MSRA: variants seen among roughly 807,000 people sequenced by gnomAD.
MSRA encodes the protein mitochondrial peptide methionine sulfoxide reductase.
MSRA carries 54 observed loss-of-function variants against 31.3 expected under a neutral mutation model. The ratio of observed to expected loss-of-function variants is 1.73; its 90% CI spans 1.39 to 2.17. The LOEUF is 2.17. Among genes scored for constraint, MSRA ranks in the 30% most tolerant of loss-of-function variants. MSRA has a pLI of 0.00. For synonymous variants in MSRA, 169 were observed against 116.5 expected (o/e 1.45, Z -2.90); for missense variants, 507 against 300.9 (o/e 1.69, Z -5.07).
At chr8:10,152,966 G>C (rs1226525005) in intron 1 of MSRA, among the ~76,000 whole-genome samples, 4 of 152,200 alleles carry the variant, frequency 2.6e-5, no homozygotes, top group Non-Finnish European at 5.9e-5. Flanking sequence ...GAAATTCATA[G>C]AGACAGAAGG....
At chr8:10,339,367 C>G (rs886642844) in intron 5 of MSRA, among the ~76,000 whole-genome samples, 1 of 152,032 alleles carries the variant, frequency 6.6e-6, no homozygotes, top group Non-Finnish European at 1.5e-5. Context: ...CATGAGTTTC[C>G]AAAACTTATG....
chr8:10,120,454 G>A (rs1373561687), intron 1 of MSRA, among the ~76,000 whole-genome samples: 2 of 152,188 alleles, frequency 1.3e-5, no homozygotes, highest in Non-Finnish European at 2.9e-5. Context: ...GTGACACCAC[G>A]ATTTAAGGAC....
chr8:10,093,957 T>C (rs1798990362), intron 1 of MSRA, among the ~76,000 whole-genome samples: 1 of 152,224 alleles, frequency 6.6e-6, no homozygotes, highest in Admixed American at 6.5e-5. Flanking sequence ...CTCCATGGTT[T>C]TCAATGAGAA....
At chr8:10,354,337 A>C (rs1804377899) in intron 5 of MSRA, among the ~76,000 whole-genome samples, 1 of 152,230 alleles carries the variant, frequency 6.6e-6, no homozygotes, top group South Asian at 2.1e-4. Context: ...ATTCAAGGGT[A>C]GCACACACCC....
chr8:10,236,936 ATTG>A (rs1206640370), intron 2 of MSRA, among the ~76,000 whole-genome samples: 2 of 152,336 alleles, frequency 1.3e-5, no homozygotes, highest in East Asian at 3.9e-4. Flanking sequence ...GAGCTATGTT[ATTG>A]TTTTCATAGT....
intron 1 of MSRA, among the ~76,000 whole-genome samples, chr8:10,089,129 G>A (rs1263769663): frequency 5.2e-5 from 5 of 96,032 alleles, no homozygotes; most frequent in Non-Finnish European, 9.6e-5. Flanking sequence ...AATTTTAGCT[G>A]CTTTTGTCCC....
intron 1 of MSRA, among the ~76,000 whole-genome samples, chr8:10,168,371 A>G (rs553309239): frequency 1.6e-4 from 25 of 152,216 alleles, no homozygotes; most frequent in East Asian, 1.9e-4. Context: ...CTGGTGTGCT[A>G]TCATCCCTGG....
At chr8:10,091,573 A>G (rs765338567) in intron 1 of MSRA, among the ~76,000 whole-genome samples, 28 of 150,136 alleles carry the variant, frequency 1.9e-4, no homozygotes, top group Non-Finnish European at 2.7e-4. Context: ...CTTTGGATAT[A>G]TGCTCAGAAG....
At chr8:10,407,381 C>A (rs1301588952) in intron 5 of MSRA, among the ~76,000 whole-genome samples, 2 of 152,112 alleles carry the variant, frequency 1.3e-5, no homozygotes, top group African/African-American at 4.8e-5. Context: ...GCAGTCCAGA[C>A]AAAGGTGGGT....
At chr8:10,095,605 A>G (rs1439618812) in intron 1 of MSRA, 1 of 987,034 alleles carries the variant, frequency 1.0e-6, no homozygotes, top group African/African-American at 1.7e-5. Context: ...CTGAGGAAAG[A>G]AAAAAAGGCA....
At chr8:10,150,535 C>G (rs944268160) in intron 1 of MSRA, among the ~76,000 whole-genome samples, 8 of 152,116 alleles carry the variant, frequency 5.3e-5, no homozygotes, top group Admixed American at 4.6e-4. Flanking sequence ...GCTTACTACA[C>G]GATAATTATG....
intron 5 of MSRA, among the ~76,000 whole-genome samples, chr8:10,408,078 G>A (rs1316505161): frequency 1.3e-5 from 2 of 152,168 alleles, no homozygotes; most frequent in African/African-American, 4.8e-5. Flanking sequence ...GAGACCAGGA[G>A]CACTAGCAGG....
chr8:10,427,532 G>T (rs1809254991), intron 5 of MSRA, among the ~76,000 whole-genome samples: 1 of 152,106 alleles, frequency 6.6e-6, no homozygotes, highest in African/African-American at 2.4e-5. Flanking sequence ...CAGACCCCAA[G>T]CGACCGCCTG....
chr8:10,087,214 A>G (rs1563418589), intron 1 of MSRA, among the ~76,000 whole-genome samples: 1 of 152,164 alleles, frequency 6.6e-6, no homozygotes, highest in Non-Finnish European at 1.5e-5. Context: ...GCATACTATA[A>G]ATACAACAAA....
At position 10,233,016 on chromosome 8, in the gene MSRA, G is replaced by T. The variant is rs561822190; in HGVS notation, c.212-12088G>T. Among the ~76,000 whole-genome samples, 8 of 152,326 alleles carry T rather than the reference G, an allele frequency of 5.3e-5. No homozygotes were observed. In the East Asian group the frequency reaches 1.5e-3, roughly 29 times the overall value. ...TCAGAAGTTCCTAGGGGAGGTGGTGGTGGTGACAGGTAAATTCATTGTGTC... is the reference window on the plus strand; with the variant it reads ...TCAGAAGTTCCTAGGGGAGGTGGTGTTGGTGACAGGTAAATTCATTGTGTC... On this transcript the variant is annotated intron_variant, in intron 2 of 5. Transcript: ENST00000317173.
chr8:10,160,957 A>G (rs892860946), intron 1 of MSRA, among the ~76,000 whole-genome samples: 12 of 151,716 alleles, frequency 7.9e-5, no homozygotes, highest in African/African-American at 2.7e-4. Flanking sequence ...ATTAATTAAC[A>G]TTGCTAATTC....
intron 4 of MSRA, among the ~76,000 whole-genome samples, chr8:10,308,425 C>G (rs548145445): frequency 1.1e-3 from 168 of 152,304 alleles, no homozygotes; most frequent in Non-Finnish European, 2.1e-3. Flanking sequence ...TTCTCTCTAT[C>G]CACTTGACCA....
At chr8:10,062,292 G>C (rs946622463) in intron 1 of MSRA, among the ~76,000 whole-genome samples, 1 of 152,186 alleles carries the variant, frequency 6.6e-6, no homozygotes, top group Non-Finnish European at 1.5e-5. Flanking sequence ...CAACCCTCTG[G>C]GGATGTATGG....
At chr8:10,239,245 T>C (rs1305398638) in intron 2 of MSRA, among the ~76,000 whole-genome samples, 2 of 152,126 alleles carry the variant, frequency 1.3e-5, no homozygotes, top group Non-Finnish European at 2.9e-5. Context: ...TATTGCAACC[T>C]CTGCCTCCCA....
Sources: gnomAD v4.1 joint callset for allele counts (sites outside exome capture counted in the v4.1 genomes callset) on GRCh38, gnomAD v4.1.1 for gene constraint, MANE v1.5 for transcripts, NCBI Gene and HGNC (gene_info 2026-07-23, HGNC 2026-07-21) for gene names.